Variants in PRKCH observed in about 807,000 individuals in gnomAD.
PRKCH encodes protein kinase C eta type.
PRKCH carries 28 observed loss-of-function variants against 82.5 expected under a neutral mutation model. The observed-to-expected ratio is 0.34, with a 90% confidence interval of 0.25 to 0.47. The LOEUF is 0.47. PRKCH is among the 20% of genes least tolerant of loss of function. The pLI is 1.00. For synonymous variants in PRKCH, 322 were observed against 327.4 expected (o/e 0.98, Z 0.18); for missense variants, 705 against 881.8 (o/e 0.80, Z 2.54).
chr14:61,512,133 T>A (rs1887404082), intron 10 of PRKCH, among the ~76,000 whole-genome samples: 1 of 152,126 alleles, frequency 6.6e-6, no homozygotes, highest in African/African-American at 2.4e-5. Context: ...TCTTGTGTTC[T>A]ACAAACTCTA....
At chr14:61,248,096 C>T (rs1442753269) in intron 1 of PRKCH, among the ~76,000 whole-genome samples, 2 of 152,130 alleles carry the variant, frequency 1.3e-5, no homozygotes, top group African/African-American at 2.4e-5. Context: ...ATGAGTCAAA[C>T]ATACCTCAGT....
chr14:61,413,868 G>A (rs899295167), intron 2 of PRKCH, among the ~76,000 whole-genome samples: 1 of 152,094 alleles, frequency 6.6e-6, no homozygotes, highest in Admixed American at 6.5e-5. Flanking sequence ...CGCTTGATAA[G>A]GTCACTGAGG....
At chr14:61,245,095 G>A (rs571007741) in intron 1 of PRKCH, among the ~76,000 whole-genome samples, 2 of 152,302 alleles carry the variant, frequency 1.3e-5, no homozygotes, top group African/African-American at 4.8e-5. Flanking sequence ...CTCCATGTGA[G>A]GAGTTTACTA....
intron 1 of PRKCH, among the ~76,000 whole-genome samples, chr14:61,364,491 C>T (rs543610109): frequency 1.1e-3 from 160 of 151,950 alleles, no homozygotes; most frequent in Non-Finnish European, 1.6e-3. Flanking sequence ...TCAGATGTGG[C>T]AGAAAGAAGG....
chr14:61,317,248 A>G (rs959802471), upstream of PRKCH, among the ~76,000 whole-genome samples: 2 of 151,902 alleles, frequency 1.3e-5, no homozygotes, highest in African/African-American at 4.8e-5. Context: ...TAGTGATTCC[A>G]TCTTCTTCCT....
At chr14:61,449,060 C>A in intron 4 of PRKCH, 104 bp from the exon 5 acceptor site, 1 of 1,011,298 alleles carries the variant, frequency 9.9e-7, no homozygotes, top group Non-Finnish European at 1.5e-6. Context: ...GGGGGCCAGA[C>A]GAGTCCAGTC....
At chr14:61,481,206 C>T (rs1056311456) in intron 9 of PRKCH, among the ~76,000 whole-genome samples, 1 of 152,180 alleles carries the variant, frequency 6.6e-6, no homozygotes. Context: ...TGGCGTACCA[C>T]GTGTGTGTTT....
intron 1 of PRKCH, among the ~76,000 whole-genome samples, chr14:61,358,807 T>C (rs2046184960): frequency 6.6e-6 from 1 of 152,160 alleles, no homozygotes; most frequent in African/African-American, 2.4e-5. Flanking sequence ...GTGTTCCCTG[T>C]GCAGGCCCTG....
At chr14:61,457,479 A>G in intron 8 of PRKCH, 27 bp from the exon 9 acceptor site, 1 of 1,610,848 alleles carries the variant, frequency 6.2e-7, no homozygotes, top group Non-Finnish European at 8.5e-7. Flanking sequence ...GGACTCCCTC[A>G]TGCTCCCTCC....
chr14:61,475,916 T>C (rs1269238270), intron 9 of PRKCH, among the ~76,000 whole-genome samples: 1 of 152,230 alleles, frequency 6.6e-6, no homozygotes, highest in Non-Finnish European at 1.5e-5. Flanking sequence ...AGGATTAGGG[T>C]GATTTTATTT....
chr14:61,234,731 C>T (rs1262082872), intron 1 of PRKCH, among the ~76,000 whole-genome samples: 1 of 152,206 alleles, frequency 6.6e-6, no homozygotes, highest in Non-Finnish European at 1.5e-5. Flanking sequence ...TTTTATAGCA[C>T]TCTGAGCATT....
At chr14:61,249,046 C>A (rs2044915213) in intron 1 of PRKCH, among the ~76,000 whole-genome samples, 1 of 152,148 alleles carries the variant, frequency 6.6e-6, no homozygotes, top group Admixed American at 6.5e-5. Flanking sequence ...AGGTGACTCG[C>A]CTGCCTCGGC....
rs115507647 is a variant in PRKCH at position 61,439,663 on chromosome 14, C to G, written c.428-3448C>G. ...CCGGTGCACTCCCAGGCTGCTGTGGCAACAGTGGGTTAGCATGTCACCCGG... is the reference window on the plus strand; with the variant it reads ...CCGGTGCACTCCCAGGCTGCTGTGGGAACAGTGGGTTAGCATGTCACCCGG... On this transcript the variant is annotated intron_variant, in intron 2 of 13. Coordinates refer to ENST00000332981, the MANE Select transcript of PRKCH (RefSeq NM_006255.5). 4.3e-3 allele frequency among the ~76,000 whole-genome samples: 651 copies of G among 150,334 alleles called. 3 individuals carry two copies. Among genetic ancestry groups the G allele is most frequent in the African/African-American group, 0.016 (624 of 40,104 alleles).
At chr14:61,494,687 C>A (rs1308201515) in intron 10 of PRKCH, among the ~76,000 whole-genome samples, 3 of 152,194 alleles carry the variant, frequency 2.0e-5, no homozygotes, top group Non-Finnish European at 4.4e-5. Context: ...TATGTGCTGT[C>A]ACCTGATTTG....
At chr14:61,444,056 C>T (rs1305658121) in intron 3 of PRKCH, among the ~76,000 whole-genome samples, 16 of 152,168 alleles carry the variant, frequency 1.1e-4, no homozygotes, top group Non-Finnish European at 1.5e-5. Flanking sequence ...GCCCTTGGAT[C>T]AGAGCAGTTT....
intron 1 of PRKCH, among the ~76,000 whole-genome samples, chr14:61,187,925 C>T (rs67934241): frequency 0.32 from 48,416 of 151,916 alleles, 7,904 homozygotes; most frequent in Admixed American, 0.41. Flanking sequence ...ACATAGTGGG[C>T]ACTTAATAAA....
chr14:61,478,692 A>G (rs1329557855), intron 9 of PRKCH, among the ~76,000 whole-genome samples: 1 of 152,042 alleles, frequency 6.6e-6, no homozygotes, highest in Non-Finnish European at 1.5e-5. Flanking sequence ...ACACAAAGAT[A>G]CCCAGTCTAT....
At chr14:61,410,262 C>G (rs1409916502) in intron 2 of PRKCH, among the ~76,000 whole-genome samples, 1 of 152,074 alleles carries the variant, frequency 6.6e-6, no homozygotes, top group East Asian at 1.9e-4. Flanking sequence ...CACTTTAAAT[C>G]TAGTATTTGA....
At chr14:61,292,631 C>A (rs757830597) in intron 1 of PRKCH, among the ~76,000 whole-genome samples, 6 of 151,958 alleles carry the variant, frequency 3.9e-5, no homozygotes, top group Non-Finnish European at 8.8e-5. Flanking sequence ...ATTAGCCAGG[C>A]ATAGTGGTGC....
Sources: allele counts gnomAD v4.1 joint callset (sites outside exome capture counted in the v4.1 genomes callset), GRCh38; gene constraint gnomAD v4.1.1; transcripts MANE v1.5; gene names NCBI Gene and HGNC (gene_info 2026-07-23, HGNC 2026-07-21).